Variants in GRAMD2B observed in about 807,000 individuals in gnomAD.
GRAMD2B encodes the protein GRAM domain containing 2B, also known as GRAM domain-containing protein 2B.
In GRAMD2B, 41 loss-of-function variants were observed where a neutral mutation model predicts 59.2. The observed-to-expected ratio is 0.69, with a 90% CI of 0.54 to 0.90. The LOEUF is 0.90. Among genes scored for constraint, GRAMD2B ranks in the 40% least tolerant of loss-of-function variants. GRAMD2B has a pLI of 0.00. For synonymous variants in GRAMD2B, 161 were observed against 182.7 expected (o/e 0.88, Z 0.96); for missense variants, 424 against 500.5 (o/e 0.85, Z 1.46).
At chr5:126,491,787 G>A (rs1264458091) in intron 13 of GRAMD2B, among the ~76,000 whole-genome samples, 1 of 151,680 alleles carries the variant, frequency 6.6e-6, no homozygotes, top group African/African-American at 2.4e-5. Flanking sequence ...AGGCTGGAGT[G>A]CAGTGCCGCA....
At chr5:126,482,483 C>A (rs1024201336) in intron 8 of GRAMD2B, among the ~76,000 whole-genome samples, 16 of 152,198 alleles carry the variant, frequency 1.1e-4, no homozygotes, top group African/African-American at 3.4e-4. Flanking sequence ...CAAGCTTTAA[C>A]TGCTTTGACT....
intron 1 of GRAMD2B, among the ~76,000 whole-genome samples, chr5:126,436,269 T>A (rs2149814935): frequency 6.6e-6 from 1 of 152,342 alleles, no homozygotes; most frequent in South Asian, 2.1e-4. Context: ...ATAATTGAAT[T>A]TAATGCACAT....
At chr5:126,412,786 G>T (rs1330783706) in intron 1 of GRAMD2B, among the ~76,000 whole-genome samples, 1 of 151,976 alleles carries the variant, frequency 6.6e-6, no homozygotes, top group African/African-American at 2.4e-5. Context: ...TTCAATTTCA[G>T]AATTTGATAT....
chr5:126,469,594 T>C, intron 2 of GRAMD2B, 83 bp from the exon 3 acceptor site: 3 of 867,664 alleles, frequency 3.5e-6, no homozygotes, highest in South Asian at 1.5e-5. Flanking sequence ...GTGATCATGC[T>C]GCTGCACTTC....
In GRAMD2B at chr5:126,473,369, G is replaced by T. The variant is rs764414388; in HGVS notation, c.486+1G>T. 1 of 1,300,140 alleles carries T rather than the reference G, an allele frequency of 7.7e-7. No homozygotes were observed. Among genetic ancestry groups the T allele is most frequent in the Non-Finnish European group, 1.1e-6 (1 of 941,926 alleles). 80.5% of individuals were successfully genotyped at this position (1,300,140 alleles called of 1,614,324 possible). On this transcript the variant is annotated splice_donor_variant, in intron 5 of 13. Coordinates refer to ENST00000285689, the MANE Select transcript of GRAMD2B (RefSeq NM_023927.4). LOFTEE classifies it high-confidence loss of function. Reference sequence around the variant, plus strand: ...CAAAGTCTTTGGAAAAGACACAAAGGTTGGTATAATTAAAAAAAAAAATGC... The same window carrying T: ...CAAAGTCTTTGGAAAAGACACAAAGTTTGGTATAATTAAAAAAAAAAATGC...
chr5:126,367,980 T>C (rs1353789223), upstream of GRAMD2B, among the ~76,000 whole-genome samples: 2 of 152,134 alleles, frequency 1.3e-5, no homozygotes, highest in Non-Finnish European at 2.9e-5. Flanking sequence ...TTCGATCTCC[T>C]GACCTCGTGA....
At chr5:126,479,550 T>C (rs1771313707) in intron 6 of GRAMD2B, among the ~76,000 whole-genome samples, 2 of 152,226 alleles carry the variant, frequency 1.3e-5, no homozygotes, top group Non-Finnish European at 2.9e-5. Context: ...CACCCTGTAA[T>C]GGATAACTGT....
chr5:126,480,881 A>G, intron 8 of GRAMD2B, 174 bp downstream of exon 8: 1 of 608,154 alleles, frequency 1.6e-6, no homozygotes. Context: ...TAGTAGCCAT[A>G]AACTTTTTCC....
rs536794421 is a variant in GRAMD2B, at chr5:126,447,537, G to A, written c.84-17889G>A. 2.8e-3 allele frequency among the ~76,000 whole-genome samples: 426 copies of A among 152,084 alleles called. 3 individuals carry two copies. Among genetic ancestry groups the A allele is most frequent in the African/African-American group, 4.4e-3 (181 of 41,520 alleles). The stretch of plus-strand genomic sequence containing the variant: ...AAATTAGCCGGGCGTGGTGGCGGGC[G>A]CCTGTAGTCCCAGCTACTCAGGAGG... On this transcript the variant is annotated intron_variant, in intron 1 of 13. Coordinates refer to ENST00000285689, the MANE Select transcript of GRAMD2B (RefSeq NM_023927.4).
intron 1 of GRAMD2B, among the ~76,000 whole-genome samples, chr5:126,425,161 T>A (rs1760395939): frequency 6.6e-6 from 1 of 152,054 alleles, no homozygotes; most frequent in Non-Finnish European, 1.5e-5. Context: ...CTTAAAGGAG[T>A]GATATGCAGC....
At chr5:126,399,088 T>A (rs1221103227) in intron 1 of GRAMD2B, among the ~76,000 whole-genome samples, 1 of 152,198 alleles carries the variant, frequency 6.6e-6, no homozygotes, top group Non-Finnish European at 1.5e-5. Context: ...AGTGGAAAGT[T>A]CTATGTAAGT....
At chr5:126,428,549 T>C (rs564177333) in intron 1 of GRAMD2B, among the ~76,000 whole-genome samples, 126 of 152,270 alleles carry the variant, frequency 8.3e-4, no homozygotes, top group Middle Eastern at 3.4e-3. Flanking sequence ...GGGCAGTACA[T>C]GAAGTAGTTA....
At chr5:126,367,432 TGGAGGAGGAGGAGGAGGAGGAGGA>T (rs70994862), upstream of GRAMD2B, among the ~76,000 whole-genome samples, 1 of 140,766 alleles carries the variant, frequency 7.1e-6, no homozygotes, top group East Asian at 2.1e-4. Context: ...CTGTAAAAAC[TGGAGGAGGAGGAGGAGGAGGAGGA>T]GGAGGAGGAG....
intron 1 of GRAMD2B, among the ~76,000 whole-genome samples, chr5:126,380,268 G>A (rs1755553086): frequency 6.6e-6 from 1 of 152,130 alleles, no homozygotes; most frequent in South Asian, 2.1e-4. Flanking sequence ...TGGTCTATGT[G>A]CCTGTTTTTA....
At chr5:126,461,518 G>T (rs1005379035) in intron 1 of GRAMD2B, among the ~76,000 whole-genome samples, 6 of 152,138 alleles carry the variant, frequency 3.9e-5, no homozygotes, top group Admixed American at 2.6e-4. Flanking sequence ...CTGTTCCCTG[G>T]CTGGGCATGG....
chr5:126,443,609 G>C (rs2149838599), intron 1 of GRAMD2B, among the ~76,000 whole-genome samples: 2 of 152,272 alleles, frequency 1.3e-5, no homozygotes. Flanking sequence ...TCCCCACAGA[G>C]ATGTTGACAT....
At chr5:126,446,370 G>C (rs532098274) in intron 1 of GRAMD2B, among the ~76,000 whole-genome samples, 1 of 151,976 alleles carries the variant, frequency 6.6e-6, no homozygotes, top group Non-Finnish European at 1.5e-5. Context: ...TGTTTTCTAT[G>C]TTATAAAATG....
At chr5:126,433,711 A>G (rs1761957523) in intron 1 of GRAMD2B, 1 of 152,226 alleles carries the variant, frequency 6.6e-6, no homozygotes, top group Non-Finnish European at 1.5e-5. Context: ...GCAGTCATTC[A>G]TGGATTCCAA....
intron 1 of GRAMD2B, among the ~76,000 whole-genome samples, chr5:126,436,256 A>T (rs1300734880): frequency 6.6e-6 from 1 of 152,218 alleles, no homozygotes; most frequent in Non-Finnish European, 1.5e-5. Context: ...TTATATTTAC[A>T]TAATAATTGA....
Sources: gnomAD v4.1 joint callset for allele counts (sites outside exome capture counted in the v4.1 genomes callset) on GRCh38, gnomAD v4.1.1 for gene constraint, MANE v1.5 for transcripts, NCBI Gene and HGNC (gene_info 2026-07-23, HGNC 2026-07-21) for gene names.